Variants in FBXO34 observed in about 807,000 individuals in gnomAD.
FBXO34 encodes the protein F-box only protein 34.
Under a neutral mutation model 24.5 loss-of-function variants are expected in FBXO34, and 12 were observed. The observed-to-expected ratio is 0.49, with a 90% CI of 0.31 to 0.79. The LOEUF (loss-of-function observed/expected upper bound fraction) is 0.79, where lower values mean the gene tolerates loss of function less well. FBXO34 is among the 30% of genes least tolerant of loss of function. FBXO34 has a pLI of 0.04. For missense variants in FBXO34, 823 were observed against 857.7 expected (o/e 0.96, Z 0.51); for synonymous variants, 320 against 311.9 (o/e 1.03, Z -0.27).
intron 3 of FBXO34, among the ~76,000 whole-genome samples, chr14:55,359,242 A>C (rs1052774138): frequency 2.0e-5 from 3 of 152,146 alleles, no homozygotes; most frequent in African/African-American, 7.2e-5. Context: ...GCCAGTGCAA[A>C]ATTTCCTTCC....
At chr14:55,394,812 T>C in the FBXO34 span, 86 of 294,560 alleles carry the variant, frequency 2.9e-4, no homozygotes, top group Non-Finnish European at 4.5e-4. Flanking sequence ...CCTGGTATTA[T>C]AGGATATAAA....
the FBXO34 span, among the ~76,000 whole-genome samples, chr14:55,400,684 C>A: frequency 6.6e-6 from 1 of 152,112 alleles, no homozygotes; most frequent in African/African-American, 2.4e-5. Flanking sequence ...GGGTGGATCA[C>A]CTGAGGTCAG....
chr14:55,429,766 C>CAAAAAAAAAAAAAAAAAAAA, the FBXO34 span, among the ~76,000 whole-genome samples: 16 of 52,370 alleles, frequency 3.1e-4, no homozygotes, highest in Non-Finnish European at 4.9e-4. Flanking sequence ...AACTCCGTCT[C>CAAAAAAAAAAAAAAAAAAAA]AAAAAAAAAA....
downstream of FBXO34, among the ~76,000 whole-genome samples, chr14:55,357,133 GCAAA>G (rs1447871647): frequency 6.6e-6 from 1 of 152,196 alleles, no homozygotes. Context: ...CTTGGGAAGA[GCAAA>G]CATTGGTGGT....
chr14:55,426,713 TAA>T, the FBXO34 span, among the ~76,000 whole-genome samples: 13 of 145,734 alleles, frequency 8.9e-5, no homozygotes, highest in South Asian at 2.1e-4. Context: ...CTGGCCAGAT[TAA>T]AAAAAAAAAA....
chr14:55,277,053 C>T (rs1412903281), intron 1 of FBXO34, among the ~76,000 whole-genome samples: 1 of 152,296 alleles, frequency 6.6e-6, no homozygotes, highest in Non-Finnish European at 1.5e-5. Flanking sequence ...ATACCATTCC[C>T]TTAGTTTGAA....
At chr14:55,337,376 C>G (rs1883820383) in intron 1 of FBXO34, among the ~76,000 whole-genome samples, 1 of 152,230 alleles carries the variant, frequency 6.6e-6, no homozygotes, top group Admixed American at 6.5e-5. Flanking sequence ...ATTGACACCA[C>G]AACAGTATAT....
At chr14:55,325,702 C>G (rs529274059) in intron 1 of FBXO34, 1 of 152,150 alleles carries the variant, frequency 6.6e-6, no homozygotes, top group African/African-American at 2.4e-5. Flanking sequence ...CTTGAACTCC[C>G]GACCTCAGGT....
At chr14:55,319,047 A>C (rs549741629) in intron 1 of FBXO34, among the ~76,000 whole-genome samples, 1 of 152,166 alleles carries the variant, frequency 6.6e-6, no homozygotes, top group African/African-American at 2.4e-5. Context: ...CCAGTGTAGA[A>C]GGGTCATAGG....
At chr14:55,439,500 A>G in the FBXO34 span, among the ~76,000 whole-genome samples, 92,400 of 150,052 alleles carry the variant, frequency 0.62, 28,627 homozygotes, top group African/African-American at 0.68. Flanking sequence ...CTTTAGAACC[A>G]GGCGGGGGGC....
chr14:55,364,236 A>G (rs1884632164), downstream of FBXO34, among the ~76,000 whole-genome samples: 2 of 152,086 alleles, frequency 1.3e-5, no homozygotes, highest in African/African-American at 4.8e-5. Context: ...GGTGTGAGCC[A>G]CCACGCCCAG....
At chr14:55,435,672 A>G in the FBXO34 span, among the ~76,000 whole-genome samples, 1 of 152,224 alleles carries the variant, frequency 6.6e-6, no homozygotes, top group African/African-American at 2.4e-5. Flanking sequence ...ATTCAGCATA[A>G]AGAATGAGAT....
the FBXO34 span, among the ~76,000 whole-genome samples, chr14:55,407,285 CA>C: frequency 2.6e-5 from 4 of 152,198 alleles, no homozygotes; most frequent in South Asian, 6.2e-4. Context: ...TGCGTGCCAC[CA>C]CGCCCAGCTA....
chr14:55,402,662 C>G, the FBXO34 span, among the ~76,000 whole-genome samples: 1 of 150,962 alleles, frequency 6.6e-6, no homozygotes, highest in Admixed American at 6.6e-5. Context: ...AAAACCTGGT[C>G]CTTATCAGGA....
At chr14:55,399,792 C>A in the FBXO34 span, among the ~76,000 whole-genome samples, 1 of 152,150 alleles carries the variant, frequency 6.6e-6, no homozygotes. Context: ...ACTTCAGAGG[C>A]CATAAAAGTT....
At chr14:55,397,329 C>T in the FBXO34 span, 1 of 1,530,068 alleles carries the variant, frequency 6.5e-7, no homozygotes, top group African/African-American at 1.4e-5. Context: ...CAAATGTTGA[C>T]TAGATCACCT....
chr14:55,370,264 G>A (rs949838438), downstream of FBXO34, among the ~76,000 whole-genome samples: 4 of 152,150 alleles, frequency 2.6e-5, no homozygotes, highest in Non-Finnish European at 2.9e-5. Flanking sequence ...CAGTGTCTAC[G>A]AAGTAAATAC....
intron 3 of FBXO34, among the ~76,000 whole-genome samples, chr14:55,360,812 A>G (rs1288982253): frequency 1.3e-5 from 2 of 151,886 alleles, no homozygotes; most frequent in East Asian, 1.9e-4. Context: ...AGCTTGGCCA[A>G]CGTGGTGAAA....
the FBXO34 span, among the ~76,000 whole-genome samples, chr14:55,380,875 A>ATATATATTTTTTTT: frequency 3.5e-5 from 4 of 112,702 alleles, no homozygotes; most frequent in Admixed American, 1.8e-4. Flanking sequence ...ATATATATAT[A>ATATATATTTTTTTT]TTTTTTTTTT....
Sources: allele counts gnomAD v4.1 joint callset (sites outside exome capture counted in the v4.1 genomes callset), GRCh38; gene constraint gnomAD v4.1.1; transcripts MANE v1.5; gene names NCBI Gene and HGNC (gene_info 2026-07-23, HGNC 2026-07-21).